Variants in LETM1 observed in about 807,000 individuals in gnomAD.
The protein encoded by LETM1 is mitochondrial proton/calcium exchanger protein.
LETM1 carries 50 observed loss-of-function variants against 74.5 expected under a neutral mutation model. That is an observed-to-expected ratio of 0.67 (90% CI 0.53 to 0.85). LETM1 has a LOEUF of 0.85. Among genes scored for constraint, LETM1 ranks in the 40% least tolerant of loss-of-function variants. LETM1 has a pLI of 0.00. For missense variants in LETM1, 824 were observed against 967.8 expected, an observed-to-expected ratio of 0.85 and a Z score of 1.97; for synonymous variants, 446 against 407.1, an observed-to-expected ratio of 1.10 and a Z score of -1.15.
intron 2 of LETM1, among the ~76,000 whole-genome samples, chr4:1,848,400 T>A (rs1228188985): frequency 6.6e-6 from 1 of 151,696 alleles, no homozygotes; most frequent in East Asian, 1.9e-4. Context: ...TACAAAAAAT[T>A]AGCCGGGCGT....
Position 1,816,744 on chromosome 4 carries a change from G to A in LETM1, c.1914C>T (p.Ala638=), listed in dbSNP as rs202160762. The A allele has an allele frequency of 6.2e-7, 1 of 1,614,108 alleles. No individual in the cohort carries two copies. Among genetic ancestry groups the A allele is most frequent in the Non-Finnish European group, 8.5e-7 (1 of 1,179,956 alleles). The part of the protein sequence containing the change: ...MDQQAGKLAP[A]NGMPTGENVI... ...CCACTCACCCCGTGGGCATGCCGTT[G>A]GCCGGGGCCAGCTTGCCAGCCTGCT... The change falls in exon 12 of 14, where the codon GCC becomes GCT. Residue 638 remains alanine (A), a synonymous_variant. Coordinates refer to ENST00000302787, the MANE Select transcript of LETM1 (RefSeq NM_012318.3).
intron 1 of LETM1, among the ~76,000 whole-genome samples, chr4:1,853,697 G>A (rs1456774711): frequency 6.6e-6 from 1 of 152,166 alleles, no homozygotes; most frequent in East Asian, 1.9e-4. Flanking sequence ...AATATGTTAT[G>A]GACTTTAGTG....
rs367656668 is a variant in LETM1 at position 1,822,981 on chromosome 4, C to T, written c.1476+7G>A. On this transcript the variant is annotated splice_region_variant and intron_variant, in intron 9 of 13. Transcript: ENST00000302787. ...CCCACGCGGCACGGAGCAGGACCAC[C>T]GCTTACCGCCACCTCCGAGCGCTTC... 375 of 1,551,728 alleles carry T rather than the reference C, an allele frequency of 2.4e-4. 1 individual carries two copies. The highest frequency in any genetic ancestry group is 3.2e-4 in the Non-Finnish European group (365 of 1,145,202).
rs1313763591 is a variant in LETM1 at position 1,813,802 on chromosome 4, A to G, written c.*622T>C. 6.5e-6 allele frequency: 1 copy of G among 153,688 alleles called. No homozygotes were observed. Among genetic ancestry groups the G allele is most frequent in the Non-Finnish European group, 1.4e-5 (1 of 69,000 alleles). The allele number at this position is 153,688 out of a possible 1,614,324, so 9.5% of individuals were successfully genotyped here. ...AAGCCGAGAAAGAGCTCCGATACAC[A>G]AGGGAAACCGCACGTGAGAACCAGC... On this transcript the variant is annotated 3_prime_UTR_variant, in exon 14 of 14. Coordinates refer to ENST00000302787, the MANE Select transcript of LETM1 (RefSeq NM_012318.3).
intron 3 of LETM1, among the ~76,000 whole-genome samples, chr4:1,838,355 C>T (rs913564213): frequency 3.3e-5 from 5 of 152,150 alleles, no homozygotes; most frequent in African/African-American, 1.2e-4. Context: ...GCCTCGGCCT[C>T]CCAAAGTTCT....
At chr4:1,843,374 A>G (rs1352968284) in intron 2 of LETM1, among the ~76,000 whole-genome samples, 1 of 152,204 alleles carries the variant, frequency 6.6e-6, no homozygotes, top group African/African-American at 2.4e-5. Flanking sequence ...TGTTTCTCAG[A>G]TGGGGATCCT....
At chr4:1,827,601 G>C (rs1712043571) in intron 6 of LETM1, among the ~76,000 whole-genome samples, 1 of 125,826 alleles carries the variant, frequency 7.9e-6, no homozygotes, top group Non-Finnish European at 1.6e-5. Flanking sequence ...GCACAGGGTT[G>C]GGGGTAAGGT....
Position 1,841,368 on chromosome 4 carries a change from C to T in LETM1, c.573G>A (p.Leu191=). The T allele has an allele frequency of 6.2e-7, 1 of 1,612,742 alleles. No homozygotes were observed. Among genetic ancestry groups the T allele is most frequent in the Non-Finnish European group, 8.5e-7 (1 of 1,178,932 alleles). ...TTACCTGCCTGCGCTCCCGGCGGGT[C>T]AGGCTGTGGCCGTTGAGGATGCGCC... ...MLWRILNGHS[L]TRRERRQFLR... Residue 191 remains leucine (L), a synonymous_variant, in exon 3 of 14, where the codon CTG becomes CTA. Coordinates refer to ENST00000302787, the MANE Select transcript of LETM1 (RefSeq NM_012318.3).
At position 1,814,466 on chromosome 4, in the gene LETM1, G is replaced by T. The variant is rs753403419; in HGVS notation, c.2178C>A (p.Ala726=). 6.2e-7 allele frequency: 1 copy of T among 1,614,082 alleles called. No homozygotes were observed. The highest frequency in any genetic ancestry group is 8.5e-7 in the Non-Finnish European group (1 of 1,179,964). ...CGACCTCCTTCTCTGCCTTCTCTTT[G>T]GCCTTCTCCTTCTCCTCCACCTTCT... The part of the protein sequence containing the change: ...KEEKVEEKEK[A]KEKAEKEVAE... The change falls in exon 14 of 14, where the codon GCC becomes GCA. Residue 726 remains alanine (A), a synonymous_variant. Transcript: ENST00000302787.
chr4:1,830,412 G>A (rs1341646556), intron 6 of LETM1, among the ~76,000 whole-genome samples: 1 of 152,130 alleles, frequency 6.6e-6, no homozygotes, highest in Non-Finnish European at 1.5e-5. Context: ...CTCACTGCAA[G>A]CTCAATCTCC....
Position 1,822,298 on chromosome 4 carries a change from G to C in LETM1, c.1491C>G (p.Pro497=). The change falls in exon 10 of 14, where the codon CCC becomes CCG. Residue 497 remains proline (P), a synonymous_variant. Coordinates refer to ENST00000302787, the MANE Select transcript of LETM1 (RefSeq NM_012318.3). ...KRSEVAKDFE[P]ERVVAAPQRP... Reference sequence around the variant, plus strand: ...TTTGGGGAGCAGCTACCACACGTTCGGGCTCAAAATCCTTCTGAAAGGCAA... The same window carrying C: ...TTTGGGGAGCAGCTACCACACGTTCCGGCTCAAAATCCTTCTGAAAGGCAA... 6.6e-7 allele frequency: 1 copy of C among 1,513,864 alleles called. No individual in the cohort carries two copies. Among genetic ancestry groups the C allele is most frequent in the Non-Finnish European group, 8.9e-7 (1 of 1,123,292 alleles). 93.8% of individuals were successfully genotyped at this position (1,513,864 alleles called of 1,614,324 possible).
chr4:1,821,802 G>C (rs1023948479), intron 10 of LETM1, among the ~76,000 whole-genome samples: 7 of 152,184 alleles, frequency 4.6e-5, no homozygotes, highest in African/African-American at 1.7e-4. Flanking sequence ...CAGCAGGTTG[G>C]GCCTGTGGAG....
At chr4:1,831,111 C>T (rs900842188) in intron 6 of LETM1, among the ~76,000 whole-genome samples, 4 of 152,202 alleles carry the variant, frequency 2.6e-5, no homozygotes, top group Non-Finnish European at 4.4e-5. Context: ...AGGCAGCCAT[C>T]GTCCCCCCCA....
At position 1,836,024 on chromosome 4, in the gene LETM1, G is replaced by A. The variant is rs1454333865; in HGVS notation, c.738+405C>T. ...CAGGAACTTGAGGCTGCAGTGAGCCGTGATCGCACCACTGCACTCCAGCCT... is the reference window on the plus strand; with the variant it reads ...CAGGAACTTGAGGCTGCAGTGAGCCATGATCGCACCACTGCACTCCAGCCT... On this transcript the variant is annotated intron_variant, in intron 4 of 13. Coordinates refer to ENST00000302787, the MANE Select transcript of LETM1 (RefSeq NM_012318.3). This position sits in a 1 kb window ranked among gnomAD's most constrained non-coding sequence, Gnocchi z 5.8. Among the ~76,000 whole-genome samples, 12 of 152,088 alleles carry A rather than the reference G, an allele frequency of 7.9e-5. No homozygotes were observed. The highest frequency in any genetic ancestry group is 3.9e-4 in the Admixed American group (6 of 15,250).
At chr4:1,814,769 T>C (rs377448900) in intron 13 of LETM1, among the ~76,000 whole-genome samples, 196 bp from the exon 14 acceptor site, 1 of 151,774 alleles carries the variant, frequency 6.6e-6, no homozygotes, top group East Asian at 1.9e-4. Flanking sequence ...GGGCTCAGAG[T>C]GGGAGGACAA....
At chr4:1,843,265 C>G (rs777706169) in intron 2 of LETM1, 1 of 152,680 alleles carries the variant, frequency 6.5e-6, no homozygotes, top group Non-Finnish European at 1.5e-5. Context: ...GGAACACCCA[C>G]CAACGACGTG....
intron 6 of LETM1, among the ~76,000 whole-genome samples, chr4:1,832,248 G>C (rs1393806421): frequency 6.6e-6 from 1 of 152,084 alleles, no homozygotes; most frequent in Non-Finnish European, 1.5e-5. Context: ...GTTGCAGTGA[G>C]TCGAGATCTC....
intron 6 of LETM1, among the ~76,000 whole-genome samples, chr4:1,826,249 G>A (rs772429235): frequency 3.3e-5 from 5 of 152,198 alleles, no homozygotes; most frequent in Non-Finnish European, 7.3e-5. Flanking sequence ...GCCGGCAACA[G>A]GGCTCCCATG....
chr4:1,854,840 T>C (rs538789465), intron 1 of LETM1, among the ~76,000 whole-genome samples: 93 of 152,016 alleles, frequency 6.1e-4, no homozygotes, highest in African/African-American at 2.1e-3. Flanking sequence ...ATTGGGAGGA[T>C]ACATTCAGGG....
Sources: allele counts gnomAD v4.1 joint callset (sites outside exome capture counted in the v4.1 genomes callset), GRCh38; gene constraint gnomAD v4.1.1; non-coding constraint Gnocchi (gnomAD v3.1); transcripts MANE v1.5; gene names NCBI Gene and HGNC (gene_info 2026-07-23, HGNC 2026-07-21).